Variants in TRRAP observed in about 807,000 individuals in gnomAD.
The protein encoded by TRRAP is transformation/transcription domain-associated protein.
TRRAP carries 41 observed loss-of-function variants against 438.8 expected under a neutral mutation model. The ratio of observed to expected loss-of-function variants is 0.09; its 90% confidence interval spans 0.07 to 0.12. TRRAP has a LOEUF of 0.12. Ranked by LOEUF, TRRAP falls within the 10% of genes least tolerant of loss-of-function variation. TRRAP has a pLI of 1.00. For missense variants in TRRAP, 3,122 were observed against 5,055.1 expected, an observed-to-expected ratio of 0.62 and a Z score of 11.60; for synonymous variants, 1,994 against 1,962.9, an observed-to-expected ratio of 1.02 and a Z score of -0.42.
chr7:98,979,673 A>G (rs1792825508), intron 58 of TRRAP, among the ~76,000 whole-genome samples: 1 of 152,200 alleles, frequency 6.6e-6, no homozygotes, highest in Admixed American at 6.5e-5. Context: ...TCTCCTTCCC[A>G]AAGTTTCCCT....
chr7:98,912,332 C>T, intron 18 of TRRAP, 119 bp downstream of exon 18: 1 of 1,036,396 alleles, frequency 9.6e-7, no homozygotes, highest in East Asian at 2.7e-5. Context: ...ATCCACCTGC[C>T]TTGATCTCCC....
Position 98,891,283 on chromosome 7 carries a change from C to G in TRRAP, c.261+838C>G, listed in dbSNP as rs181952272. Reference sequence around the variant, plus strand: ...CTGGAGTGCAGTGGCACGAACTCAGCTCACTGCAACCTCTGCCTCCCAGGT... The same window carrying G: ...CTGGAGTGCAGTGGCACGAACTCAGGTCACTGCAACCTCTGCCTCCCAGGT... On this transcript the variant is annotated intron_variant, in intron 4 of 72. Coordinates refer to ENST00000456197, the MANE Select transcript of TRRAP (RefSeq NM_001375524.1). Among the ~76,000 whole-genome samples the G allele has an allele frequency of 1.5e-3, 225 of 146,600 alleles. 1 individual carries two copies. The highest frequency in any genetic ancestry group is 5.5e-3 in the African/African-American group (217 of 39,108).
chr7:98,887,744 A>AC (rs564854359), intron 3 of TRRAP, among the ~76,000 whole-genome samples: 20,617 of 149,082 alleles, frequency 0.14, 4,750 homozygotes, highest in African/African-American at 0.48. Flanking sequence ...AAAAAAAAAA[A>AC]AAAAAACTGC....
intron 1 of TRRAP, among the ~76,000 whole-genome samples, chr7:98,879,553 G>T (rs1795324863): frequency 6.6e-6 from 1 of 151,910 alleles, no homozygotes; most frequent in East Asian, 1.9e-4. Context: ...CCGAGTCCTG[G>T]GTCCCCTCGG....
intron 30 of TRRAP, among the ~76,000 whole-genome samples, chr7:98,939,036 G>A (rs982368338): frequency 6.6e-6 from 1 of 152,130 alleles, no homozygotes; most frequent in African/African-American, 2.4e-5. Flanking sequence ...AAATGTAAGC[G>A]GATGGAGGAT....
chr7:98,950,784 G>A, intron 38 of TRRAP, 92 bp from the exon 39 acceptor site: 3 of 1,403,068 alleles, frequency 2.1e-6, no homozygotes, highest in Admixed American at 2.7e-5. Flanking sequence ...ACTTGATGGT[G>A]TGCTAAGGCC....
intron 22 of TRRAP, among the ~76,000 whole-genome samples, chr7:98,926,119 G>A (rs1191532993): frequency 2.0e-5 from 3 of 152,162 alleles, no homozygotes; most frequent in African/African-American, 7.2e-5. Context: ...CAGAACACAT[G>A]CAGAGAGAGA....
intron 51 of TRRAP, 53 bp downstream of exon 51, chr7:98,967,751 G>A: frequency 1.3e-6 from 2 of 1,555,082 alleles, no homozygotes; most frequent in Non-Finnish European, 1.8e-6. Context: ...GGTTTTCTGA[G>A]TTGGGGCTCC....
chr7:99,012,334 C>T lies in TRRAP; in HGVS notation c.11601C>T (p.Pro3867=), dbSNP rs752568805. 2.0e-5 allele frequency: 32 copies of T among 1,604,090 alleles called. No individual in the cohort carries two copies. Among genetic ancestry groups the T allele is most frequent in the Non-Finnish European group, 2.4e-5 (28 of 1,175,400 alleles). Residue 3867 remains proline, a synonymous_variant, in exon 73 of 73, where the codon CCC becomes CCT. Coordinates refer to ENST00000456197, the MANE Select transcript of TRRAP (RefSeq NM_001375524.1). This position sits in a 1 kb window ranked among gnomAD's most constrained non-coding sequence, Gnocchi z 5.9. ...NSLDNLCRMD[P]AWHPWL is the part of the protein sequence containing the mutation. ...TGGACAATCTGTGCCGCATGGACCC[C>T]GCCTGGCACCCCTGGCTGTGACTGT... is the stretch of plus-strand genomic sequence containing the variant.
At chr7:98,920,666 CTG>C (rs1554410350) in intron 20 of TRRAP, among the ~76,000 whole-genome samples, 1 of 152,140 alleles carries the variant, frequency 6.6e-6, no homozygotes, top group African/African-American at 2.4e-5. Context: ...CCTTCGTGAT[CTG>C]TGTTTTTCCT....
chr7:99,009,448 G>GGCTGCAGCATCA (rs1794335807), intron 70 of TRRAP, among the ~76,000 whole-genome samples: 1 of 152,180 alleles, frequency 6.6e-6, no homozygotes, highest in South Asian at 2.1e-4. Context: ...AGGTATTCCA[G>GGCTGCAGCATCA]GCTGCAGCAT....
chr7:98,961,920 CAAAA>C (rs747651890), intron 46 of TRRAP, among the ~76,000 whole-genome samples: 1 of 152,012 alleles, frequency 6.6e-6, no homozygotes, highest in Non-Finnish European at 1.5e-5. Context: ...AACTCCATCT[CAAAA>C]AAAGCATAGA....
chr7:99,010,107 T>TG (rs1047682156), intron 70 of TRRAP, among the ~76,000 whole-genome samples: 1 of 152,044 alleles, frequency 6.6e-6, no homozygotes, highest in Non-Finnish European at 1.5e-5. Flanking sequence ...AGGCTGGTCT[T>TG]GAACTCCTGA....
rs115239600 is a variant in TRRAP at position 98,964,988 on chromosome 7, C to T, written c.6976+213C>T. On this transcript the variant is annotated intron_variant, in intron 48 of 72. Coordinates refer to ENST00000456197, the MANE Select transcript of TRRAP (RefSeq NM_001375524.1). ...TGTTATTAAGCTGGGTACGGTGGCA[C>T]GCCTGTGGTCCCAGCTCCTCAGCGG... Among the ~76,000 whole-genome samples, 1,009 of 152,340 alleles carry T rather than the reference C, an allele frequency of 6.6e-3. 10 individuals carry two copies. The highest frequency in any genetic ancestry group is 0.021 in the African/African-American group (871 of 41,584).
chr7:98,955,568 T>G (rs558906916), intron 41 of TRRAP, among the ~76,000 whole-genome samples: 93 of 152,346 alleles, frequency 6.1e-4, no homozygotes, highest in African/African-American at 2.2e-3. Flanking sequence ...AACCCTTGTA[T>G]GCTGCTAAGT....
Position 98,911,138 on chromosome 7 carries a change from T to C in TRRAP, c.1874T>C (p.Met625Thr), listed in dbSNP as rs782168903. ...IRVANCQTVRMKEEKEVLEHF... is the reference protein window; with the variant it reads ...IRVANCQTVRTKEEKEVLEHF... ...GTGGCCAACTGCCAGACTGTGAGAA[T>C]GAAAGAGGAGAAGGAGGTATTGGAG... The change falls in exon 17 of 73, where the codon ATG becomes ACG. Residue 625 changes from methionine (M) to threonine (T), a missense_variant. Met to Thr is a moderately conservative substitution (Grantham distance 81). Coordinates refer to ENST00000456197, the MANE Select transcript of TRRAP (RefSeq NM_001375524.1). 6.2e-7 allele frequency: 1 copy of C among 1,614,144 alleles called. No homozygotes were observed. The highest frequency in any genetic ancestry group is 1.1e-5 in the South Asian group (1 of 91,080).
At position 98,976,923 on chromosome 7, in the gene TRRAP, T is replaced by TA; in HGVS notation, c.8248-15dup. On this transcript the variant is annotated splice_polypyrimidine_tract_variant and intron_variant, in intron 55 of 72. Transcript: ENST00000456197. This position sits in a 1 kb window ranked among gnomAD's most constrained non-coding sequence, Gnocchi z 4.6. ...CTCTGTCTCAAGCACTCAGGAACCT[T>TA]ACTTTGTGTTTTCAGGAGATACTGG... The TA allele has an allele frequency of 6.2e-7, 1 of 1,613,944 alleles. No homozygotes were observed. The highest frequency in any genetic ancestry group is 8.5e-7 in the Non-Finnish European group (1 of 1,179,986).
chr7:98,895,887 G>T, intron 7 of TRRAP, 67 bp downstream of exon 7: 1 of 1,307,022 alleles, frequency 7.7e-7, no homozygotes, highest in Non-Finnish European at 1.1e-6. Flanking sequence ...AAAGACTTTA[G>T]AACAGTTGGG....
chr7:98,958,071 C>G lies in TRRAP; in HGVS notation c.6322C>G (p.Leu2108Val), dbSNP rs1044270109. ...KQHTDTVVNF[L>V]IRVACQVNDN... ...GCACACAGACACTGTGGTGAACTTCCTTATCCGCGTGGCCTGTCAGGTACG... is the reference window on the plus strand; with the variant it reads ...GCACACAGACACTGTGGTGAACTTCGTTATCCGCGTGGCCTGTCAGGTACG... The change falls in exon 44 of 73, where the codon CTT (leucine) becomes GTT (valine). Residue 2108 changes from leucine to valine, a missense_variant. Physicochemically the swap from Leu to Val is conservative, Grantham distance 32 (BLOSUM62 1). Around this residue, in one of 24 missense-constraint regions of TRRAP, gnomAD observed 992 missense variants for 1,281.2 expected, o/e 0.77. Transcript: ENST00000456197. 6.2e-6 allele frequency: 10 copies of G among 1,614,124 alleles called. No individual in the cohort carries two copies. The highest frequency in any genetic ancestry group is 8.5e-6 in the Non-Finnish European group (10 of 1,179,994).
Sources: allele counts gnomAD v4.1 joint callset (sites outside exome capture counted in the v4.1 genomes callset), GRCh38; gene constraint gnomAD v4.1.1; regional missense constraint gnomAD v4.1.1; non-coding constraint Gnocchi (gnomAD v3.1); transcripts MANE v1.5; gene names NCBI Gene and HGNC (gene_info 2026-07-23, HGNC 2026-07-21).